Variants in MTO1 observed in about 807,000 individuals in gnomAD.
MTO1 encodes the protein mitochondrial tRNA translation optimization 1.
A neutral mutation model predicts 71.6 loss-of-function variants in MTO1; 46 were observed. The ratio of observed to expected loss-of-function variants is 0.64; its 90% confidence interval spans 0.51 to 0.82. MTO1 has a LOEUF of 0.82. MTO1 is among the 40% of genes least tolerant of loss of function. MTO1 has a pLI of 0.00. For synonymous variants in MTO1, 297 were observed against 312.1 expected (o/e 0.95, Z 0.51); for missense variants, 773 against 867.5 (o/e 0.89, Z 1.37).
At position 73,497,749 on chromosome 6, in the gene MTO1, A is replaced by G; in HGVS notation, c.1770A>G (p.Ser590=). ...ERLKIEATYE[S]VLFHQLQEIK... Reference sequence around the variant, plus strand: ...TTTGTTGACCAGCCACTTATGAATCAGTGTTGTTCCATCAACTACAAGAAA... The same window carrying G: ...TTTGTTGACCAGCCACTTATGAATCGGTGTTGTTCCATCAACTACAAGAAA... The change falls in exon 11 of 12, where the codon TCA becomes TCG. Residue 590 remains serine, a synonymous_variant. Coordinates refer to ENST00000498286, the MANE Select transcript of MTO1 (RefSeq NM_012123.4). 6.2e-7 allele frequency: 1 copy of G among 1,612,652 alleles called. No individual in the cohort carries two copies. Among genetic ancestry groups the G allele is most frequent in the Non-Finnish European group, 8.5e-7 (1 of 1,178,982 alleles).
chr6:73,469,155 C>G (rs537143658), intron 3 of MTO1, among the ~76,000 whole-genome samples: 1 of 152,248 alleles, frequency 6.6e-6, no homozygotes, highest in East Asian at 1.9e-4. Flanking sequence ...TAGGTGTACA[C>G]TACCACACCC....
chr6:73,495,286 C>T (rs1321993382), intron 10 of MTO1, among the ~76,000 whole-genome samples: 2 of 152,136 alleles, frequency 1.3e-5, no homozygotes, highest in Non-Finnish European at 2.9e-5. Context: ...GGATCGTTGA[C>T]CTGTTATTTT....
intron 3 of MTO1, among the ~76,000 whole-genome samples, chr6:73,472,004 C>CT (rs1002502149): frequency 7.9e-5 from 7 of 88,106 alleles, no homozygotes; most frequent in African/African-American, 2.3e-4. Flanking sequence ...TAAGGTAGAG[C>CT]TATCTGAGGA....
At chr6:73,499,291 G>A (rs934585815) in intron 11 of MTO1, among the ~76,000 whole-genome samples, 5 of 151,930 alleles carry the variant, frequency 3.3e-5, no homozygotes, top group African/African-American at 1.2e-4. Flanking sequence ...TGTTTGTATG[G>A]ATAATCATAG....
chr6:73,476,206 T>TAAAAAAAAAATAATA (rs1561943675), intron 4 of MTO1, among the ~76,000 whole-genome samples: 1 of 143,256 alleles, frequency 7.0e-6, no homozygotes, highest in East Asian at 2.0e-4. Flanking sequence ...CTACTAAAAA[T>TAAAAAAAAAATAATA]AAAAAAAAAA....
intron 8 of MTO1, 45 bp downstream of exon 8, chr6:73,482,289 C>G (rs926464474): frequency 1.2e-6 from 2 of 1,602,206 alleles, no homozygotes; most frequent in Non-Finnish European, 1.7e-6. Context: ...CATGGTGGCT[C>G]ACACCTATAA....
chr6:73,495,919 C>A (rs1347135764), intron 10 of MTO1, among the ~76,000 whole-genome samples: 1 of 152,106 alleles, frequency 6.6e-6, no homozygotes, highest in Non-Finnish European at 1.5e-5. Flanking sequence ...CAGATATTAG[C>A]ATTGTTGTCC....
At chr6:73,498,872 A>G (rs551148705) in intron 11 of MTO1, among the ~76,000 whole-genome samples, 4 of 152,050 alleles carry the variant, frequency 2.6e-5, no homozygotes, top group Admixed American at 2.0e-4. Context: ...CTACAGGCGC[A>G]TGCCACCACA....
At chr6:73,488,073 T>C (rs1289406139) in intron 9 of MTO1, among the ~76,000 whole-genome samples, 1 of 152,216 alleles carries the variant, frequency 6.6e-6, no homozygotes, top group Non-Finnish European at 1.5e-5. Context: ...ATTTCTCTGA[T>C]GATTAGTGGA....
At position 73,501,686 on chromosome 6, in the gene MTO1, G is replaced by A. The variant is rs1468694803; in HGVS notation, c.*951G>A. The A allele has an allele frequency of 2.6e-5, 4 of 152,282 alleles. No homozygotes were observed. The highest frequency in any genetic ancestry group is 3.9e-4 in the East Asian group (2 of 5,178). The allele number at this position is 152,282 out of a possible 1,614,324, so 9.4% of individuals were successfully genotyped here. A position where few individuals can be genotyped will look rare whatever the true frequency, so the allele number is the denominator to read the frequency against. Reference sequence around the variant, plus strand: ...ACCTCAACCATTCTAAATAGACTAAGGGATGAATACAGCCAAATGGGCCAG... The same window carrying A: ...ACCTCAACCATTCTAAATAGACTAAAGGATGAATACAGCCAAATGGGCCAG... On this transcript the variant is annotated 3_prime_UTR_variant, in exon 12 of 12. Coordinates refer to ENST00000498286, the MANE Select transcript of MTO1 (RefSeq NM_012123.4).
At chr6:73,478,891 TC>T (rs201105704) in intron 4 of MTO1, among the ~76,000 whole-genome samples, 2 of 146,086 alleles carry the variant, frequency 1.4e-5, no homozygotes, top group African/African-American at 2.5e-5. Context: ...TTTTTTTTTT[TC>T]TTTTTTTTTT....
chr6:73,500,531 A>C (rs774495917), intron 11 of MTO1, 43 bp from the exon 12 acceptor site: 18 of 1,556,784 alleles, frequency 1.2e-5, no homozygotes, highest in Non-Finnish European at 1.6e-5. Context: ...TTGATTTGAC[A>C]TAGCATAGCT....
intron 9 of MTO1, 87 bp from the exon 10 acceptor site, chr6:73,492,147 A>T: frequency 6.2e-6 from 5 of 812,886 alleles, no homozygotes; most frequent in South Asian, 1.5e-5. Flanking sequence ...TTATTCTGAG[A>T]TCTGATATTA....
chr6:73,471,529 C>T (rs1771162040), intron 3 of MTO1: 1 of 436,580 alleles, frequency 2.3e-6, no homozygotes, highest in South Asian at 1.6e-5. Context: ...ATCTTCCTGC[C>T]TCAGCCTCCT....
intron 10 of MTO1, among the ~76,000 whole-genome samples, chr6:73,497,074 A>G (rs1040451869): frequency 1.3e-5 from 2 of 151,600 alleles, no homozygotes; most frequent in African/African-American, 4.8e-5. Context: ...GAAATAGCTT[A>G]TCTCTAGGAC....
chr6:73,482,722 C>A, intron 9 of MTO1, 102 bp downstream of exon 9: 25 of 817,134 alleles, frequency 3.1e-5, no homozygotes, highest in Middle Eastern at 4.5e-4. Context: ...CTACACATTT[C>A]AAATGAATGT....
At chr6:73,475,512 CTTT>C (rs111808691) in intron 4 of MTO1, among the ~76,000 whole-genome samples, 15 of 139,340 alleles carry the variant, frequency 1.1e-4, no homozygotes, top group African/African-American at 3.2e-4. Flanking sequence ...GTCTTGAACT[CTTT>C]TTTTTTTTTT....
chr6:73,497,333 TA>T (rs958712470), intron 10 of MTO1, among the ~76,000 whole-genome samples: 33 of 151,782 alleles, frequency 2.2e-4, no homozygotes, highest in African/African-American at 7.5e-4. Context: ...TTTATATTTT[TA>T]GTAGAGATGG....
At position 73,500,757 on chromosome 6, in the gene MTO1, T is replaced by C; in HGVS notation, c.*22T>C. On this transcript the variant is annotated 3_prime_UTR_variant, in exon 12 of 12. Coordinates refer to ENST00000498286, the MANE Select transcript of MTO1 (RefSeq NM_012123.4). ...ATAGCTTTCAATTCATAAAAGATTT[T>C]TAAAGAGCATATAAATAATTTGATC... 6.5e-7 allele frequency: 1 copy of C among 1,531,178 alleles called. No homozygotes were observed. Among genetic ancestry groups the C allele is most frequent in the Non-Finnish European group, 8.8e-7 (1 of 1,133,616 alleles). 94.8% of individuals were successfully genotyped at this position (1,531,178 alleles called of 1,614,324 possible).
Sources: gnomAD v4.1 joint callset for allele counts (sites outside exome capture counted in the v4.1 genomes callset) on GRCh38, gnomAD v4.1.1 for gene constraint, MANE v1.5 for transcripts, NCBI Gene and HGNC (gene_info 2026-07-23, HGNC 2026-07-21) for gene names.